Variants in ODAD3 observed in about 807,000 individuals in gnomAD.
ODAD3 encodes the protein outer dynein arm-docking complex subunit 3.
In ODAD3, 57 loss-of-function variants were observed where a neutral mutation model predicts 70.9. The observed-to-expected ratio is 0.80, with a 90% CI of 0.65 to 1.00. ODAD3 has a LOEUF of 1.00. Ranked by LOEUF, ODAD3 falls within the 50% of genes least tolerant of loss-of-function variation. The pLI, the probability that ODAD3 is intolerant of heterozygous loss-of-function variation, is 0.00. For synonymous variants in ODAD3, 327 were observed against 315.9 expected, an observed-to-expected ratio of 1.04 and a Z score of -0.37; for missense variants, 797 against 763.9, an observed-to-expected ratio of 1.04 and a Z score of -0.51.
In ODAD3 at chr19:11,434,781, T is replaced by C; in HGVS notation, c.236A>G (p.Gln79Arg). ...SQVAELHKKI[Q>R]LLEGDRKAFF... is the part of the protein sequence containing the mutation. ...CTCTGGAGCCATCTTACCTAACAGT[T>C]GTATCTTTTTATGTAACTCAGCCAC... The change falls in exon 1 of 13, where the codon CAA becomes CGA. Residue 79 changes from glutamine (Q) to arginine (R), a missense_variant. Coordinates refer to ENST00000356392, the MANE Select transcript of ODAD3 (RefSeq NM_145045.5). The C allele has an allele frequency of 2.5e-6, 4 of 1,612,176 alleles. No individual in the cohort carries two copies. The highest frequency in any genetic ancestry group is 3.4e-6 in the Non-Finnish European group (4 of 1,178,568).
At position 11,422,148 on chromosome 19, in the gene ODAD3, C is replaced by A. The variant is rs890973205; in HGVS notation, c.1435-316G>T. Among the ~76,000 whole-genome samples, 1 of 152,236 alleles carries A rather than the reference C, an allele frequency of 6.6e-6. No individual in the cohort carries two copies. The highest frequency in any genetic ancestry group is 1.5e-5 in the Non-Finnish European group (1 of 68,030). On this transcript the variant is annotated intron_variant, in intron 10 of 12. Coordinates refer to ENST00000356392, the MANE Select transcript of ODAD3 (RefSeq NM_145045.5). The surrounding 1 kb of genome is among the most constrained non-coding windows in gnomAD (Gnocchi z 4.6). Reference sequence around the variant, plus strand: ...GGCAGGATAGGTCTTCTGTCTCGGGCTGCTCCAGAACTGCAGATAGGTCTC... The same window carrying A: ...GGCAGGATAGGTCTTCTGTCTCGGGATGCTCCAGAACTGCAGATAGGTCTC...
intron 1 of ODAD3, among the ~76,000 whole-genome samples, chr19:11,431,586 T>C (rs1338113021): frequency 1.4e-5 from 2 of 141,112 alleles, no homozygotes; most frequent in Non-Finnish European, 3.1e-5. Context: ...AGGTCAAGAG[T>C]TCAAGATCAG....
chr19:11,428,090 ACT>A (rs892316124), intron 3 of ODAD3, among the ~76,000 whole-genome samples: 10 of 147,660 alleles, frequency 6.8e-5, no homozygotes, highest in African/African-American at 2.5e-4. Context: ...ACAGTGCGAG[ACT>A]CTGTCTCAAA....
chr19:11,425,153 A>ATGTG (rs1969279291), intron 7 of ODAD3, among the ~76,000 whole-genome samples: 1 of 128,448 alleles, frequency 7.8e-6, no homozygotes, highest in Non-Finnish European at 1.6e-5. Flanking sequence ...GTACATATGT[A>ATGTG]TATATACATA....
At chr19:11,425,567 G>GTATA (rs1969339635) in intron 7 of ODAD3, among the ~76,000 whole-genome samples, 3 of 131,132 alleles carry the variant, frequency 2.3e-5, no homozygotes, top group African/African-American at 1.1e-4. Context: ...ATATATGTGT[G>GTATA]TATGTATGTA....
upstream of ODAD3, chr19:11,435,371 G>A: frequency 4.4e-6 from 2 of 455,246 alleles, no homozygotes; most frequent in Non-Finnish European, 3.8e-6. Flanking sequence ...ACCTTATCCC[G>A]CCCCTGGGGG....
Position 11,421,162 on chromosome 19 carries a change from G to A in ODAD3, c.1641C>T (p.Ala547=). 1 of 1,613,772 alleles carries A rather than the reference G, an allele frequency of 6.2e-7. No homozygotes were observed. The highest frequency in any genetic ancestry group is 8.5e-7 in the Non-Finnish European group (1 of 1,179,968). Residue 547 remains alanine (A), a synonymous_variant, in exon 12 of 13, where the codon GCC becomes GCT. Coordinates refer to ENST00000356392, the MANE Select transcript of ODAD3 (RefSeq NM_145045.5). The part of the protein sequence containing the change: ...GRLPEYNTRI[A]LPLATSKDKF... ...TGTCCTTGGAAGTGGCAAGGGGCAG[G>A]GCGATGCGGGTGTTGTATTCGGGCA...
Position 11,420,797 on chromosome 19 carries a change from G to C in ODAD3, c.*38C>G, listed in dbSNP as rs747889607. The C allele has an allele frequency of 8.4e-6, 13 of 1,554,676 alleles. No individual in the cohort carries two copies. The highest frequency in any genetic ancestry group is 1.2e-5 in the Non-Finnish European group (13 of 1,126,566). ...TGCGCTAGACCCGGAGGGATCGGGG[G>C]CTCCGAAGGGGGCCGCCTGGTGGGT... On this transcript the variant is annotated 3_prime_UTR_variant, in exon 13 of 13. Coordinates refer to ENST00000356392, the MANE Select transcript of ODAD3 (RefSeq NM_145045.5).
At chr19:11,430,835 C>T in intron 2 of ODAD3, 59 bp from the exon 3 acceptor site, 3 of 1,613,952 alleles carry the variant, frequency 1.9e-6, no homozygotes, top group Non-Finnish European at 2.5e-6. Context: ...AGGCCAGGTG[C>T]TACCTACTTG....
At chr19:11,423,261 T>G (rs774592183) in intron 8 of ODAD3, among the ~76,000 whole-genome samples, 40 of 152,186 alleles carry the variant, frequency 2.6e-4, no homozygotes, top group Non-Finnish European at 5.7e-4. Flanking sequence ...TGCGCCTCAG[T>G]GCCCCAGATG....
At chr19:11,421,107 C>CCTGG in intron 12 of ODAD3, 21 bp downstream of exon 12, 1 of 1,612,442 alleles carries the variant, frequency 6.2e-7, no homozygotes, top group South Asian at 1.1e-5. Flanking sequence ...CGCACCCCTT[C>CCTGG]ATCCCCCCAC....
chr19:11,426,971 C>A lies in ODAD3; in HGVS notation c.514G>T (p.Val172Leu). 6.2e-7 allele frequency: 1 copy of A among 1,607,988 alleles called. No individual in the cohort carries two copies. The highest frequency in any genetic ancestry group is 8.5e-7 in the Non-Finnish European group (1 of 1,179,660). ...TCCTCCAGCCGCCTCTGCCGCAACA[C>A]CACCTGGTGCCGCAGGGCGTTCTGC... ...KQQNALRHQV[V>L]LRQRRLEELQ... The change falls in exon 4 of 13, where the codon GTG (valine) becomes TTG (leucine). Residue 172 changes from valine to leucine, a missense_variant. Val to Leu is a conservative substitution (Grantham distance 32). Transcript: ENST00000356392.
Position 11,425,014 on chromosome 19 carries a change from T to C in ODAD3, c.964-985A>G, listed in dbSNP as rs1014078574. Among the ~76,000 whole-genome samples the C allele has an allele frequency of 1.1e-4, 14 of 132,878 alleles. 2 individuals are homozygous for C. The highest frequency in any genetic ancestry group is 2.6e-4 in the African/African-American group (8 of 30,220). 87.2% of individuals were successfully genotyped at this position (132,878 alleles called of 152,430 possible). On this transcript the variant is annotated intron_variant, in intron 7 of 12. Coordinates refer to ENST00000356392, the MANE Select transcript of ODAD3 (RefSeq NM_145045.5). Reference sequence around the variant, plus strand: ...ACATATGTGTATATGTATATATGTGTATATATACATATGTGCATATATACA... The same window carrying C: ...ACATATGTGTATATGTATATATGTGCATATATACATATGTGCATATATACA...
rs1415922864 is a variant in ODAD3 at position 11,425,245 on chromosome 19, ATATATG to A, written c.963+893_963+898del. Reference sequence around the variant, plus strand: ...TATGTGTGTATATGTACATATGTGTATATATGTATATGTACATATGTGTATATGTGT... The same window carrying A: ...TATGTGTGTATATGTACATATGTGTATATATGTACATATGTGTATATGTGT... On this transcript the variant is annotated intron_variant, in intron 7 of 12. Coordinates refer to ENST00000356392, the MANE Select transcript of ODAD3 (RefSeq NM_145045.5). Among the ~76,000 whole-genome samples the A allele has an allele frequency of 4.6e-5, 6 of 130,922 alleles. 1 individual carries two copies. The South Asian group carries it at 6.6e-4, about 15-fold the overall frequency. The allele number at this position is 130,922 out of a possible 152,430, so 85.9% of individuals were successfully genotyped here. A position where few individuals can be genotyped will look rare whatever the true frequency, so the allele number is the denominator to read the frequency against.
Position 11,434,870 on chromosome 19 carries a change from G to A in ODAD3, c.147C>T (p.Thr49=), listed in dbSNP as rs780358570. The change falls in exon 1 of 13, where the codon ACC becomes ACT. Residue 49 remains threonine, a synonymous_variant. Transcript: ENST00000356392. ...LRGKGTAQAW[T]PGRSKGGSFH... Reference sequence around the variant, plus strand: ...AGGATCCTCCCTTGGAACGGCCTGGGGTCCACGCCTGGGCTGTGCCCTTGC... The same window carrying A: ...AGGATCCTCCCTTGGAACGGCCTGGAGTCCACGCCTGGGCTGTGCCCTTGC... 5 of 1,614,168 alleles carry A rather than the reference G, an allele frequency of 3.1e-6. No individual in the cohort carries two copies. In the South Asian group the frequency reaches 4.4e-5, roughly 14 times the overall value.
chr19:11,430,937 T>A lies in ODAD3; in HGVS notation c.328A>T (p.Thr110Ser). 1 of 1,614,014 alleles carries A rather than the reference T, an allele frequency of 6.2e-7. No homozygotes were observed. Among genetic ancestry groups the A allele is most frequent in the Non-Finnish European group, 8.5e-7 (1 of 1,180,016 alleles). ...AGCAGCTTTAGTTCCAGTGCCTTAG[T>A]CTCCTTGCGGAGCTGACTGATGGTC... Reference protein sequence around the residue: ...QETISQLRKETKALELKLLDL... With the variant: ...QETISQLRKESKALELKLLDL... Residue 110 changes from threonine to serine, a missense_variant, in exon 2 of 13, where the codon ACT (threonine) becomes TCT (serine). Thr to Ser is a moderately conservative substitution (Grantham distance 58). Coordinates refer to ENST00000356392, the MANE Select transcript of ODAD3 (RefSeq NM_145045.5).
At chr19:11,435,671 G>C, upstream of ODAD3, 1 of 1,300,968 alleles carries the variant, frequency 7.7e-7, no homozygotes, top group Non-Finnish European at 1.0e-6. Context: ...TGGACAAGAG[G>C]GGTGCGGTGG....
At position 11,435,075 on chromosome 19, in the gene ODAD3, C is replaced by G; in HGVS notation, c.-59G>C. On this transcript the variant is annotated 5_prime_UTR_variant, in exon 1 of 13. Coordinates refer to ENST00000356392, the MANE Select transcript of ODAD3 (RefSeq NM_145045.5). The stretch of plus-strand genomic sequence containing the variant: ...GGGGGATAACTAGGAGTCAGTCGCC[C>G]CTGTCAGGGATCCGTCAGCTCGGAT... 9 of 1,536,908 alleles carry G rather than the reference C, an allele frequency of 5.9e-6. No individual in the cohort carries two copies. Among genetic ancestry groups the G allele is most frequent in the Non-Finnish European group, 7.9e-6 (9 of 1,146,248 alleles).
At chr19:11,432,356 C>G (rs149420193) in intron 1 of ODAD3, among the ~76,000 whole-genome samples, 1 of 152,162 alleles carries the variant, frequency 6.6e-6, no homozygotes, top group Non-Finnish European at 1.5e-5. Context: ...TCAAGCAGTC[C>G]TCCTGCCTCA....
Sources: allele counts gnomAD v4.1 joint callset (sites outside exome capture counted in the v4.1 genomes callset), GRCh38; gene constraint gnomAD v4.1.1; non-coding constraint Gnocchi (gnomAD v3.1); transcripts MANE v1.5; gene names NCBI Gene and HGNC (gene_info 2026-07-23, HGNC 2026-07-21).